Variants in CHIT1 observed in about 807,000 individuals in gnomAD.
The protein encoded by CHIT1 is chitinase 1.
In CHIT1, 47 loss-of-function variants were observed where a neutral mutation model predicts 52.0. The observed-to-expected ratio is 0.90, with a 90% CI of 0.71 to 1.15. The LOEUF (loss-of-function observed/expected upper bound fraction) is 1.15. CHIT1 is among the 50% of genes most tolerant of loss of function. The probability of loss-of-function intolerance (pLI) is 0.00; values close to 1 mark genes in which losing one functional copy is unlikely to be tolerated. For synonymous variants in CHIT1, 242 were observed against 228.2 expected (o/e 1.06, Z -0.54); for missense variants, 569 against 583.0 (o/e 0.98, Z 0.25).
chr1:203,228,235 C>T (rs1656997087), intron 2 of CHIT1, among the ~76,000 whole-genome samples: 1 of 152,212 alleles, frequency 6.6e-6, no homozygotes, highest in Non-Finnish European at 1.5e-5. Flanking sequence ...CACACAGGTG[C>T]TGCAAGAGCA....
At chr1:203,217,696 C>T in intron 10 of CHIT1, 43 bp downstream of exon 10, 1 of 1,613,870 alleles carries the variant, frequency 6.2e-7, no homozygotes, top group Non-Finnish European at 8.5e-7. Context: ...GTGTTTGTAC[C>T]CCACCTCCAA....
intron 7 of CHIT1, among the ~76,000 whole-genome samples, chr1:203,220,994 T>C (rs1403056225): frequency 6.6e-6 from 1 of 152,188 alleles, no homozygotes; most frequent in African/African-American, 2.4e-5. Context: ...CTAAATTTCT[T>C]TCTGTGTCTC....
rs1353545151 is a variant in CHIT1 at position 203,223,549 on chromosome 1, TG to T, written c.425del (p.Pro142GlnfsTer9). 1.2e-6 allele frequency: 2 copies of T among 1,614,216 alleles called. No individual in the cohort carries two copies. The highest frequency in any genetic ancestry group is 1.7e-6 in the Non-Finnish European group (2 of 1,180,030). On this transcript the variant is annotated frameshift_variant, in exon 5 of 11. Coordinates refer to ENST00000367229, the MANE Select transcript of CHIT1 (RefSeq NM_003465.3). LOFTEE classifies it high-confidence loss of function. The stretch of plus-strand genomic sequence containing the variant: ...CTACGGCAGGGCTCCCCTGGCTTCC[TG>T]GGTACTCCCAGTCAAGGTCAAGGCC... ...FDGLDLDWEYPGSQGSPAVDK... is the reference protein window; with the variant it reads ...FDGLDLDWEYXGSQGSPAVDK...
chr1:203,217,011 G>A lies in CHIT1; in HGVS notation c.1279C>T (p.Leu427Phe). Residue 427 changes from leucine (L) to phenylalanine (F), a missense_variant, in exon 11 of 11, where the codon CTC becomes TTC. Transcript: ENST00000367229. ...GACCGTTCCCGAGGATTGGGATAGA[G>A]CCCATCAGCTTTGCCCTGGCAGAAC... ...DTFCQGKADG[L>F]YPNPRERSSF... The A allele has an allele frequency of 1.2e-6, 2 of 1,614,210 alleles. No individual in the cohort carries two copies. Among genetic ancestry groups the A allele is most frequent in the Middle Eastern group, 1.6e-4 (1 of 6,062 alleles).
intron 7 of CHIT1, among the ~76,000 whole-genome samples, chr1:203,221,975 G>A (rs1383637720): frequency 6.6e-6 from 1 of 152,202 alleles, no homozygotes; most frequent in Non-Finnish European, 1.5e-5. Flanking sequence ...AAACTGATTT[G>A]CTGCCTCTAC....
intron 7 of CHIT1, among the ~76,000 whole-genome samples, chr1:203,221,506 A>T (rs1404906885): frequency 6.6e-6 from 1 of 152,168 alleles, no homozygotes; most frequent in Admixed American, 6.5e-5. Context: ...TAGTGATCCC[A>T]GTTACTCAGG....
At chr1:203,226,255 C>T (rs961685920) in intron 2 of CHIT1, among the ~76,000 whole-genome samples, 12 of 152,218 alleles carry the variant, frequency 7.9e-5, no homozygotes, top group African/African-American at 2.9e-4. Flanking sequence ...TTGCTAGTCT[C>T]AGAGTCCGAG....
At position 203,223,192 on chromosome 1, in the gene CHIT1, G is replaced by A. The variant is rs377276949; in HGVS notation, c.548C>T (p.Ala183Val). 3.0e-5 allele frequency: 48 copies of A among 1,614,054 alleles called. No homozygotes were observed. The highest frequency in any genetic ancestry group is 1.1e-4 in the African/African-American group (8 of 74,942). The stretch of plus-strand genomic sequence containing the variant: ...CACATAGGTCTGCCCAGCTGGAACC[G>A]CTGCACTCAGAAGAAGGCGTTCCTT... ...SGKERLLLSA[A>V]VPAGQTYVDA... is the part of the protein sequence containing the mutation. The change falls in exon 6 of 11, where the codon GCG becomes GTG. Residue 183 changes from alanine (A) to valine (V), a missense_variant. Transcript: ENST00000367229.
chr1:203,217,767 G>T lies in CHIT1; in HGVS notation c.1128C>A (p.Pro376=), dbSNP rs770891150. ...GTTCCTGCCGTAGCGTCTGGATGAG[G>T]GGGTATCGGCCCTGGTTGCAGGAGA... ...AGFSCNQGRY[P]LIQTLRQELS... is the part of the protein sequence containing the mutation. The change falls in exon 10 of 11, where the codon CCC becomes CCA. Residue 376 remains proline, a synonymous_variant. Transcript: ENST00000367229. 3 of 1,613,818 alleles carry T rather than the reference G, an allele frequency of 1.9e-6. No homozygotes were observed. The African/African-American group carries it at 4.0e-5, about 22-fold the overall frequency.
intron 2 of CHIT1, 140 bp downstream of exon 2, chr1:203,228,393 C>G: frequency 1.1e-6 from 1 of 905,484 alleles, no homozygotes; most frequent in Non-Finnish European, 1.8e-6. Context: ...CAGATGGGGA[C>G]ATTTGCAGGG....
intron 1 of CHIT1, among the ~76,000 whole-genome samples, chr1:203,229,344 G>A (rs112477835): frequency 0.067 from 10,238 of 152,228 alleles, 377 homozygotes; most frequent in African/African-American, 0.087. Flanking sequence ...TCAGGACAGA[G>A]AGAGGAAAGT....
Position 203,216,609 on chromosome 1 carries a change from C to G in CHIT1, c.*280G>C, listed in dbSNP as rs140728916. On this transcript the variant is annotated 3_prime_UTR_variant, in exon 11 of 11. Transcript: ENST00000367229. Reference sequence around the variant, plus strand: ...CACCTTCCCACCTGGCTCTGACCTGCGGATGTTTTGGAGTCAACAGTGTGC... The same window carrying G: ...CACCTTCCCACCTGGCTCTGACCTGGGGATGTTTTGGAGTCAACAGTGTGC... 183 of 521,732 alleles carry G rather than the reference C, an allele frequency of 3.5e-4. No homozygotes were observed. The highest frequency in any genetic ancestry group is 2.9e-3 in the African/African-American group (152 of 52,614). 32.3% of individuals were successfully genotyped at this position (521,732 alleles called of 1,614,324 possible).
Position 203,217,825 on chromosome 1 carries a change from A to ACCATGGCCCCGCCCAGTCCCTAGG in CHIT1, c.1069_1070insCCTAGGGACTGGGCGGGGCCATGG (p.Met356_Val357insAlaTer). 6.2e-7 allele frequency: 1 copy of ACCATGGCCCCGCCCAGTCCCTAGG among 1,614,118 alleles called. No individual in the cohort carries two copies. The highest frequency in any genetic ancestry group is 2.2e-5 in the East Asian group (1 of 44,888). On this transcript the variant is annotated stop_gained, in exon 10 of 11. Coordinates refer to ENST00000367229, the MANE Select transcript of CHIT1 (RefSeq NM_003465.3). LOFTEE classifies it high-confidence loss of function. ...AAAGTCATCTAAGTCCAGTGCCCAG[A>ACCATGGCCCCGCCCAGTCCCTAGG]CCATGGCCCCGCCCAGTCCCTTCTG...
In CHIT1 at chr1:203,229,651, G is replaced by A. The variant is rs377270886; in HGVS notation, c.-15C>T. On this transcript the variant is annotated 5_prime_UTR_variant, in exon 1 of 11. Transcript: ENST00000367229. The stretch of plus-strand genomic sequence containing the variant: ...GACCGCACCATGATGCAGCTCAGCG[G>A]CAGGCTGCAGCCCATACAAACCAGC... The A allele has an allele frequency of 6.2e-6, 10 of 1,613,736 alleles. No individual in the cohort carries two copies. Among genetic ancestry groups the A allele is most frequent in the Non-Finnish European group, 7.6e-6 (9 of 1,179,918 alleles).
chr1:203,222,363 A>C (rs765959889), intron 6 of CHIT1, 38 bp from the exon 7 acceptor site: 1 of 1,613,930 alleles, frequency 6.2e-7, no homozygotes, highest in Non-Finnish European at 8.5e-7. Context: ...GAAACAAGGG[A>C]TTGGGGGTGG....
chr1:203,224,816 T>C (rs886969893), intron 4 of CHIT1, among the ~76,000 whole-genome samples: 2 of 152,192 alleles, frequency 1.3e-5, no homozygotes, highest in Admixed American at 6.5e-5. Context: ...TTTAGACCTA[T>C]GCTTCTGGCA....
chr1:203,219,556 T>C, intron 8 of CHIT1, 108 bp downstream of exon 8: 1 of 1,324,424 alleles, frequency 7.6e-7, no homozygotes, highest in Non-Finnish European at 1.1e-6. Flanking sequence ...TGGCCAGAAT[T>C]CTCTGCAATT....
At chr1:203,229,183 C>A (rs368743846) in intron 1 of CHIT1, among the ~76,000 whole-genome samples, 2 of 152,140 alleles carry the variant, frequency 1.3e-5, no homozygotes, top group Non-Finnish European at 1.5e-5. Flanking sequence ...AGGATCTTGG[C>A]CCCAGGCTGC....
In CHIT1 at chr1:203,216,405, AC is replaced by A. The variant is rs1482012164; in HGVS notation, c.*483del. On this transcript the variant is annotated 3_prime_UTR_variant, in exon 11 of 11. Transcript: ENST00000367229. ...GCCATCTAGTGGCATTTTGGGAATA[AC>A]ACGTGCGTGAAGGTCCGCAGAAGCT... 2.6e-4 allele frequency: 117 copies of A among 454,236 alleles called. No individual in the cohort carries two copies. The Admixed American group carries it at 2.7e-3, about 10-fold the overall frequency. The allele number at this position is 454,236 out of a possible 1,614,324, so 28.1% of individuals were successfully genotyped here.
Sources: gnomAD v4.1 joint callset for allele counts (sites outside exome capture counted in the v4.1 genomes callset) on GRCh38, gnomAD v4.1.1 for gene constraint, MANE v1.5 for transcripts, NCBI Gene and HGNC (gene_info 2026-07-23, HGNC 2026-07-21) for gene names.